Variants in TRPC4 observed in about 807,000 individuals in gnomAD.
The protein encoded by TRPC4 is short transient receptor potential channel 4.
Under a neutral mutation model 99.4 loss-of-function variants are expected in TRPC4, and 49 were observed. The observed-to-expected ratio is 0.49, with a 90% confidence interval of 0.39 to 0.63. The LOEUF (loss-of-function observed/expected upper bound fraction) is 0.63, where lower values mean the gene tolerates loss of function less well. TRPC4 is among the 20% of genes least tolerant of loss of function. TRPC4 has a pLI of 0.00. For synonymous variants in TRPC4, 454 were observed against 425.9 expected, an observed-to-expected ratio of 1.07 and a Z score of -0.81; for missense variants, 898 against 1,152.9, an observed-to-expected ratio of 0.78 and a Z score of 3.20.
At chr13:37,803,814 A>G (rs951539530) in intron 1 of TRPC4, among the ~76,000 whole-genome samples, 1 of 152,034 alleles carries the variant, frequency 6.6e-6, no homozygotes, top group Non-Finnish European at 1.5e-5. Flanking sequence ...GGCAAAGGAA[A>G]GAGGCAGAGC....
intron 2 of TRPC4, among the ~76,000 whole-genome samples, chr13:37,764,309 C>T (rs936177744): frequency 2.4e-4 from 37 of 151,164 alleles, no homozygotes; most frequent in Non-Finnish European, 7.4e-5. Flanking sequence ...ATATTATATA[C>T]ATTTTTCTAT....
rs185808938 is a variant in TRPC4, at chr13:37,636,253, A to T, written c.*650T>A. Reference sequence around the variant, plus strand: ...TGTCGTTAAAAATCATCAGTCATCAAAATGTATTAAGACAAACACTTCTTT... The same window carrying T: ...TGTCGTTAAAAATCATCAGTCATCATAATGTATTAAGACAAACACTTCTTT... On this transcript the variant is annotated 3_prime_UTR_variant, in exon 11 of 11. Coordinates refer to ENST00000379705, the MANE Select transcript of TRPC4 (RefSeq NM_016179.4). Among the ~76,000 whole-genome samples, 34 of 152,218 alleles carry T rather than the reference A, an allele frequency of 2.2e-4. No homozygotes were observed. The East Asian group carries it at 6.2e-3, about 28-fold the overall frequency.
intron 2 of TRPC4, among the ~76,000 whole-genome samples, chr13:37,754,092 A>C (rs1956031643): frequency 6.6e-6 from 1 of 152,096 alleles, no homozygotes. Flanking sequence ...TGTTTCAATA[A>C]TTTAAGGAAG....
At chr13:37,676,835 G>A (rs1953073045) in intron 4 of TRPC4, among the ~76,000 whole-genome samples, 2 of 151,948 alleles carry the variant, frequency 1.3e-5, no homozygotes, top group African/African-American at 4.8e-5. Flanking sequence ...CATACTAAAA[G>A]GATATTTTTA....
intron 1 of TRPC4, among the ~76,000 whole-genome samples, chr13:37,788,999 T>A (rs1957043179): frequency 6.6e-6 from 1 of 152,110 alleles, no homozygotes; most frequent in Admixed American, 6.6e-5. Flanking sequence ...TACAGCAATA[T>A]CTTTCCAAAC....
intron 1 of TRPC4, among the ~76,000 whole-genome samples, chr13:37,849,658 C>A (rs1409255092): frequency 6.6e-6 from 1 of 152,162 alleles, no homozygotes; most frequent in African/African-American, 2.4e-5. Context: ...AGATCTTAAA[C>A]TGGAAGGGAT....
At chr13:37,704,655 A>G (rs1181840035) in intron 3 of TRPC4, among the ~76,000 whole-genome samples, 2 of 152,118 alleles carry the variant, frequency 1.3e-5, no homozygotes, top group Admixed American at 6.6e-5. Flanking sequence ...ATAAATAAAT[A>G]AATAAATAAA....
chr13:37,773,955 G>A (rs1002702911), intron 2 of TRPC4, among the ~76,000 whole-genome samples: 1 of 151,712 alleles, frequency 6.6e-6, no homozygotes, highest in Non-Finnish European at 1.5e-5. Flanking sequence ...CCAAATAAAT[G>A]TGTAATTATT....
intron 2 of TRPC4, among the ~76,000 whole-genome samples, chr13:37,768,679 C>G (rs917730214): frequency 6.6e-6 from 1 of 150,736 alleles, no homozygotes; most frequent in Non-Finnish European, 1.5e-5. Context: ...CACGCACACA[C>G]ACACACACAC....
intron 2 of TRPC4, among the ~76,000 whole-genome samples, chr13:37,752,169 A>G (rs1480820760): frequency 1.4e-5 from 2 of 146,474 alleles, no homozygotes; most frequent in Non-Finnish European, 3.0e-5. Context: ...ATTATTTGCT[A>G]ACTATAATTT....
At chr13:37,826,623 G>T (rs1958222740) in intron 1 of TRPC4, among the ~76,000 whole-genome samples, 1 of 151,936 alleles carries the variant, frequency 6.6e-6, no homozygotes, top group Admixed American at 6.6e-5. Context: ...CTGGCTTATA[G>T]GGTTTCTGCC....
intron 2 of TRPC4, among the ~76,000 whole-genome samples, chr13:37,759,812 T>A (rs950782763): frequency 2.6e-5 from 4 of 151,924 alleles, no homozygotes; most frequent in Non-Finnish European, 5.9e-5. Context: ...TTTCGAGAAG[T>A]CTTACCTCAG....
At chr13:37,822,350 G>A (rs1399996590) in intron 1 of TRPC4, among the ~76,000 whole-genome samples, 1 of 151,830 alleles carries the variant, frequency 6.6e-6, no homozygotes, top group African/African-American at 2.4e-5. Flanking sequence ...ATGTATACAT[G>A]TGCCATGCTG....
At chr13:37,793,702 T>C (rs1363195724) in intron 1 of TRPC4, among the ~76,000 whole-genome samples, 3 of 152,100 alleles carry the variant, frequency 2.0e-5, no homozygotes, top group Admixed American at 2.0e-4. Context: ...TTGTGTGCCA[T>C]GTGATCAGAT....
intron 3 of TRPC4, among the ~76,000 whole-genome samples, chr13:37,710,551 T>C (rs777607995): frequency 1.3e-4 from 19 of 151,956 alleles, no homozygotes; most frequent in Non-Finnish European, 2.7e-4. Flanking sequence ...AAGTTTGGTA[T>C]GGAAATTATT....
At chr13:37,700,859 A>T (rs901340286) in intron 3 of TRPC4, among the ~76,000 whole-genome samples, 1 of 152,144 alleles carries the variant, frequency 6.6e-6, no homozygotes, top group African/African-American at 2.4e-5. Context: ...ACTTCCTTTT[A>T]TGCTCTCTAA....
intron 3 of TRPC4, among the ~76,000 whole-genome samples, chr13:37,725,918 T>A (rs1955039550): frequency 6.6e-6 from 1 of 151,968 alleles, no homozygotes; most frequent in African/African-American, 2.4e-5. Context: ...AACTAAAAAG[T>A]TAGTATTGGC....
At chr13:37,850,526 G>T (rs1229947350) in intron 1 of TRPC4, among the ~76,000 whole-genome samples, 2 of 152,038 alleles carry the variant, frequency 1.3e-5, no homozygotes, top group African/African-American at 2.4e-5. Context: ...TTTTTGTTTT[G>T]CTATATTCAT....
chr13:37,687,871 T>C (rs1183775767), intron 4 of TRPC4, among the ~76,000 whole-genome samples: 2 of 152,180 alleles, frequency 1.3e-5, no homozygotes, highest in Non-Finnish European at 2.9e-5. Context: ...CTGTTTTACT[T>C]TTTACTCTAG....
Sources: gnomAD v4.1 joint callset for allele counts (sites outside exome capture counted in the v4.1 genomes callset) on GRCh38, gnomAD v4.1.1 for gene constraint, MANE v1.5 for transcripts, NCBI Gene and HGNC (gene_info 2026-07-23, HGNC 2026-07-21) for gene names.